The following LIX1 variants were observed in gnomAD, a reference collection of about 807,000 sequenced individuals.
LIX1 encodes the protein limb and CNS expressed 1, also known as protein limb expression 1 homolog.
Under a neutral mutation model 33.4 loss-of-function variants are expected in LIX1, and 24 were observed. The ratio of observed to expected loss-of-function variants is 0.72; its 90% CI spans 0.52 to 1.01. The LOEUF (loss-of-function observed/expected upper bound fraction) is 1.01, where lower values mean the gene tolerates loss of function less well. LIX1 is among the 50% of genes least tolerant of loss of function. The pLI is 0.00. For missense variants in LIX1, 311 were observed against 339.2 expected (o/e 0.92, Z 0.65); for synonymous variants, 124 against 124.0 (o/e 1.00, Z 0.00).
At chr5:97,099,115 G>A (rs942912059) in intron 4 of LIX1, among the ~76,000 whole-genome samples, 3 of 138,772 alleles carry the variant, frequency 2.2e-5, no homozygotes, top group African/African-American at 9.1e-5. Context: ...CAGGGTCCTC[G>A]GTCCAGTGCC....
chr5:97,109,376 C>T (rs1175299048), intron 2 of LIX1, among the ~76,000 whole-genome samples: 1 of 152,082 alleles, frequency 6.6e-6, no homozygotes, highest in Non-Finnish European at 1.5e-5. Flanking sequence ...ACCTCAGCCT[C>T]CTGAGTAGCT....
At chr5:97,096,703 CA>C in intron 5 of LIX1, 106 bp downstream of exon 5, 1 of 802,178 alleles carries the variant, frequency 1.2e-6, no homozygotes, top group South Asian at 1.6e-5. Context: ...AATAAGGTAC[CA>C]AATTTATATT....
At chr5:97,125,735 C>A (rs375625822) in intron 1 of LIX1, among the ~76,000 whole-genome samples, 7 of 152,300 alleles carry the variant, frequency 4.6e-5, no homozygotes, top group African/African-American at 1.7e-4. Context: ...CACTTCCCTG[C>A]TTGTGGAAAC....
intron 2 of LIX1, among the ~76,000 whole-genome samples, chr5:97,122,297 CTCT>C (rs1218659863): frequency 6.6e-6 from 1 of 152,148 alleles, no homozygotes; most frequent in Non-Finnish European, 1.5e-5. Context: ...GTTTCTCTAG[CTCT>C]TCTTTACTTT....
intron 1 of LIX1, among the ~76,000 whole-genome samples, chr5:97,126,205 G>A (rs531697246): frequency 1.3e-5 from 2 of 152,208 alleles, no homozygotes; most frequent in Non-Finnish European, 2.9e-5. Context: ...GTGTAACACG[G>A]CATCTATGCC....
rs141773894 is a variant in LIX1 at position 97,133,816 on chromosome 5, G to A, written c.82+8679C>T. ...CTCCTAGCAAAAACTACCATGAGGA[G>A]CTAATTTTATTTTAAATTAATTTTC... On this transcript the variant is annotated intron_variant, in intron 1 of 5. Coordinates refer to ENST00000274382, the MANE Select transcript of LIX1 (RefSeq NM_153234.5). Among the ~76,000 whole-genome samples, 372 of 152,306 alleles carry A rather than the reference G, an allele frequency of 2.4e-3. 1 individual carries two copies. The highest frequency in any genetic ancestry group is 8.5e-3 in the African/African-American group (354 of 41,554).
intron 2 of LIX1, among the ~76,000 whole-genome samples, chr5:97,123,347 C>T (rs1747831698): frequency 6.6e-6 from 1 of 152,180 alleles, no homozygotes; most frequent in Non-Finnish European, 1.5e-5. Context: ...TCGTCCTCAC[C>T]TTTCACATAC....
At chr5:97,133,000 T>C (rs1307959912) in intron 1 of LIX1, among the ~76,000 whole-genome samples, 1 of 152,216 alleles carries the variant, frequency 6.6e-6, no homozygotes, top group Admixed American at 6.5e-5. Flanking sequence ...TGTGTATATA[T>C]ACATAAAATT....
chr5:97,141,928 G>A (rs1370060109), intron 1 of LIX1, among the ~76,000 whole-genome samples: 6 of 152,124 alleles, frequency 3.9e-5, no homozygotes, highest in Non-Finnish European at 7.4e-5. Flanking sequence ...TGGTGGTAGG[G>A]GGTCCACACA....
At chr5:97,137,931 C>G (rs761381068) in intron 1 of LIX1, among the ~76,000 whole-genome samples, 6 of 152,178 alleles carry the variant, frequency 3.9e-5, no homozygotes, top group Non-Finnish European at 7.4e-5. Flanking sequence ...GATTCTTGCT[C>G]TCTCATGCTG....
At chr5:97,128,780 A>G (rs1490673824) in intron 1 of LIX1, among the ~76,000 whole-genome samples, 1 of 152,150 alleles carries the variant, frequency 6.6e-6, no homozygotes, top group East Asian at 1.9e-4. Flanking sequence ...TGTCAGTTTC[A>G]TATCCTGATG....
At chr5:97,130,138 C>T (rs1748023494) in intron 1 of LIX1, among the ~76,000 whole-genome samples, 1 of 152,168 alleles carries the variant, frequency 6.6e-6, no homozygotes. Flanking sequence ...GTGACTGAGC[C>T]TCTCATTCCA....
intron 1 of LIX1, among the ~76,000 whole-genome samples, chr5:97,136,828 T>C (rs1267689422): frequency 1.3e-5 from 2 of 152,074 alleles, no homozygotes; most frequent in Non-Finnish European, 1.5e-5. Context: ...GTAATAATTG[T>C]CTATTTTGTC....
At chr5:97,110,594 G>GC (rs1445407306) in intron 2 of LIX1, among the ~76,000 whole-genome samples, 1 of 152,082 alleles carries the variant, frequency 6.6e-6, no homozygotes, top group Non-Finnish European at 1.5e-5. Flanking sequence ...ATAGGCATGT[G>GC]CCACTACGCC....
rs1746121991 is a variant in LIX1, at chr5:97,092,428, C to T, written c.*2320G>A. 6.6e-6 allele frequency: 1 copy of T among 152,346 alleles called. No homozygotes were observed. Among genetic ancestry groups the T allele is most frequent in the African/African-American group, 2.4e-5 (1 of 41,440 alleles). The allele number at this position is 152,346 out of a possible 1,614,324, so 9.4% of individuals were successfully genotyped here. On this transcript the variant is annotated 3_prime_UTR_variant, in exon 6 of 6. Transcript: ENST00000274382. ...AAAATCTGCTTTGCTCTTCAACCCTCTTTTCTCTAGGCTATAGTTAAAGAT... is the reference window on the plus strand; with the variant it reads ...AAAATCTGCTTTGCTCTTCAACCCTTTTTTCTCTAGGCTATAGTTAAAGAT...
intron 2 of LIX1, among the ~76,000 whole-genome samples, chr5:97,119,282 G>A (rs1376043487): frequency 6.6e-6 from 1 of 152,194 alleles, no homozygotes; most frequent in African/African-American, 2.4e-5. Context: ...GAAATGATTT[G>A]TAATGCACAG....
chr5:97,104,994 G>C (rs1746934966), intron 4 of LIX1, among the ~76,000 whole-genome samples, 196 bp downstream of exon 4: 1 of 152,174 alleles, frequency 6.6e-6, no homozygotes, highest in South Asian at 2.1e-4. Context: ...TTTCCTGATT[G>C]CGTGTTTGTT....
At chr5:97,142,418 T>A in intron 1 of LIX1, 77 bp downstream of exon 1, 1 of 989,400 alleles carries the variant, frequency 1.0e-6, no homozygotes, top group Non-Finnish European at 1.6e-6. Context: ...GGAGAAATCT[T>A]ACTTAAATAG....
At position 97,105,222 on chromosome 5, in the gene LIX1, A is replaced by T. The variant is rs1399609275; in HGVS notation, c.451T>A (p.Ser151Thr). 3 of 1,613,844 alleles carry T rather than the reference A, an allele frequency of 1.9e-6. No homozygotes were observed. The African/African-American group carries it at 4.0e-5, about 22-fold the overall frequency. The stretch of plus-strand genomic sequence containing the variant: ...TCCAGCATAGTCTTCCCCATGTTTG[A>T]CTCCAGCATGTAGTGATAGGCCCCA... Reference protein sequence around the residue: ...SVGAYHYMLESNMGKTMLEFQ... With the variant: ...SVGAYHYMLETNMGKTMLEFQ... The change falls in exon 4 of 6, where the codon TCA (serine) becomes ACA (threonine). Residue 151 changes from serine (S) to threonine (T), a missense_variant. Ser to Thr is a moderately conservative substitution (Grantham distance 58, BLOSUM62 1). Transcript: ENST00000274382.
Sources: allele counts gnomAD v4.1 joint callset (sites outside exome capture counted in the v4.1 genomes callset), GRCh38; gene constraint gnomAD v4.1.1; transcripts MANE v1.5; gene names NCBI Gene and HGNC (gene_info 2026-07-23, HGNC 2026-07-21).